Variants in TMEM272 observed in about 807,000 individuals in gnomAD.
The protein encoded by TMEM272 is long intergenic non-protein coding RNA 282.
Under a neutral mutation model 3.7 loss-of-function variants are expected in TMEM272, and 8 were observed. That is an observed-to-expected ratio of 2.17 (90% CI 1.27 to 3.91). TMEM272 has a LOEUF of 3.91. Ranked by LOEUF, TMEM272 falls within the 30% of genes most tolerant of loss-of-function variation. TMEM272 has a pLI of 0.00. For missense variants in TMEM272, 166 were observed against 91.5 expected (o/e 1.81, Z -3.32); for synonymous variants, 63 against 39.8 (o/e 1.58, Z -2.20).
At chr13:51,854,820 TG>T in the TMEM272 span, among the ~76,000 whole-genome samples, 1 of 152,348 alleles carries the variant, frequency 6.6e-6, no homozygotes, top group South Asian at 2.1e-4. Context: ...TTATTATTAT[TG>T]ATTTATTTAC....
intron 3 of TMEM272, among the ~76,000 whole-genome samples, chr13:51,826,222 C>T (rs934880461): frequency 6.6e-6 from 1 of 151,586 alleles, no homozygotes; most frequent in African/African-American, 2.4e-5. Context: ...CAACCTGCTT[C>T]CACAAGGGAA....
the TMEM272 span, among the ~76,000 whole-genome samples, chr13:51,884,430 G>A: frequency 6.6e-6 from 1 of 152,160 alleles, no homozygotes. Context: ...ATTTCATAGG[G>A]TTAGTTTGAT....
intron 4 of TMEM272, among the ~76,000 whole-genome samples, chr13:51,820,133 A>T (rs9535765): frequency 0.35 from 53,001 of 151,876 alleles, 11,391 homozygotes; most frequent in Non-Finnish European, 0.47. Flanking sequence ...TTTATTTTTT[A>T]AAAAGCAGGT....
At chr13:51,867,666 G>T in the TMEM272 span, among the ~76,000 whole-genome samples, 6 of 152,176 alleles carry the variant, frequency 3.9e-5, no homozygotes, top group African/African-American at 1.4e-4. Flanking sequence ...TGGGTTCCCT[G>T]CAAGTCCTCT....
chr13:51,896,672 G>A, the TMEM272 span, among the ~76,000 whole-genome samples: 5 of 152,100 alleles, frequency 3.3e-5, no homozygotes, highest in Non-Finnish European at 5.9e-5. Flanking sequence ...CCCCTGCAGC[G>A]GTCTTCTTAC....
the TMEM272 span, among the ~76,000 whole-genome samples, chr13:51,881,474 G>A: frequency 1.3e-5 from 2 of 152,130 alleles, no homozygotes; most frequent in Admixed American, 1.3e-4. Context: ...GGAAGTAGGA[G>A]GAGTAAAAGC....
the TMEM272 span, chr13:51,908,338 G>A: frequency 1.9e-3 from 2,708 of 1,440,524 alleles, 44 homozygotes; most frequent in Admixed American, 0.02. Context: ...CCAGGTCTTG[G>A]GGGAAGGTAA....
the TMEM272 span, chr13:51,910,013 TTTTTCTTC>T: frequency 6.6e-7 from 1 of 1,519,098 alleles, no homozygotes; most frequent in Non-Finnish European, 9.1e-7. Context: ...CTATCTCCAG[TTTTTCTTC>T]ATTCATTTGA....
the TMEM272 span, among the ~76,000 whole-genome samples, chr13:51,876,714 T>C: frequency 6.6e-6 from 1 of 152,210 alleles, no homozygotes; most frequent in Non-Finnish European, 1.5e-5. Context: ...AAATTTGTAA[T>C]TAGGTATTGG....
the TMEM272 span, among the ~76,000 whole-genome samples, chr13:51,888,251 G>A: frequency 6.2e-3 from 942 of 152,162 alleles, 13 homozygotes; most frequent in African/African-American, 0.021. Flanking sequence ...TCACCATGTT[G>A]ACCAAGCTGG....
chr13:51,866,829 T>C, the TMEM272 span, among the ~76,000 whole-genome samples: 1 of 152,178 alleles, frequency 6.6e-6, no homozygotes, highest in Non-Finnish European at 1.5e-5. Flanking sequence ...GTCCCTGCCC[T>C]CACATATTCC....
the TMEM272 span, among the ~76,000 whole-genome samples, chr13:51,886,806 C>G: frequency 6.6e-6 from 1 of 152,090 alleles, no homozygotes; most frequent in Non-Finnish European, 1.5e-5. Context: ...TATTTTGGTC[C>G]CTGTGCTAAA....
the TMEM272 span, among the ~76,000 whole-genome samples, chr13:51,917,908 C>T: frequency 6.2e-3 from 937 of 152,326 alleles, 8 homozygotes; most frequent in African/African-American, 0.02. Flanking sequence ...CTCCTCCCAC[C>T]TCTAGATGTT....
chr13:51,908,758 C>T, the TMEM272 span: 7 of 1,462,766 alleles, frequency 4.8e-6, no homozygotes, highest in Admixed American at 1.0e-4. Flanking sequence ...TAAAATCTGT[C>T]TTGCCTTTGT....
At chr13:51,910,044 G>A in the TMEM272 span, 1 of 1,402,954 alleles carries the variant, frequency 7.1e-7, no homozygotes, top group Non-Finnish European at 1.0e-6. Context: ...TCCCTTGAAG[G>A]TCATTTTGGC....
chr13:51,896,341 G>C, the TMEM272 span, among the ~76,000 whole-genome samples: 18 of 152,160 alleles, frequency 1.2e-4, no homozygotes, highest in African/African-American at 3.9e-4. Flanking sequence ...GAGAGAGACA[G>C]AGAAACACGT....
the TMEM272 span, among the ~76,000 whole-genome samples, chr13:51,856,935 T>C: frequency 6.6e-6 from 1 of 152,152 alleles, no homozygotes; most frequent in Non-Finnish European, 1.5e-5. Context: ...GGATAATACG[T>C]CTGAATAAGA....
At chr13:51,864,112 CCT>C in the TMEM272 span, among the ~76,000 whole-genome samples, 13 of 151,862 alleles carry the variant, frequency 8.6e-5, no homozygotes, top group South Asian at 6.3e-4. Flanking sequence ...TCCTTCCCTC[CCT>C]CTCTTTTTCT....
At chr13:51,825,205 C>T (rs4943028) in intron 3 of TMEM272, among the ~76,000 whole-genome samples, 28,149 of 152,082 alleles carry the variant, frequency 0.19, 3,144 homozygotes, top group East Asian at 0.5. Context: ...ACTAAATGGC[C>T]CCAGACTACT....
Sources: gnomAD v4.1 joint callset for allele counts (sites outside exome capture counted in the v4.1 genomes callset) on GRCh38, gnomAD v4.1.1 for gene constraint, MANE v1.5 for transcripts, NCBI Gene and HGNC (gene_info 2026-07-23, HGNC 2026-07-21) for gene names.